Variants in MECOM observed in about 807,000 individuals in gnomAD.
The protein encoded by MECOM is histone-lysine N-methyltransferase MECOM.
In MECOM, 13 loss-of-function variants were observed where a neutral mutation model predicts 116.3. The ratio of observed to expected loss-of-function variants is 0.11; its 90% confidence interval spans 0.07 to 0.18. MECOM has a LOEUF of 0.18. MECOM is among the 10% of genes least tolerant of loss of function. The pLI is 1.00. For synonymous variants in MECOM, 528 were observed against 535.2 expected (o/e 0.99, Z 0.19); for missense variants, 1,299 against 1,509.0 (o/e 0.86, Z 2.31).
intron 1 of MECOM, among the ~76,000 whole-genome samples, chr3:169,609,697 T>C (rs1341865299): frequency 6.6e-6 from 1 of 152,210 alleles, no homozygotes; most frequent in African/African-American, 2.4e-5. Flanking sequence ...GAATCAACAA[T>C]GAATTCAGAC....
At chr3:169,485,649 C>T (rs903298756) in intron 1 of MECOM, among the ~76,000 whole-genome samples, 1 of 151,670 alleles carries the variant, frequency 6.6e-6, no homozygotes, top group Non-Finnish European at 1.5e-5. Flanking sequence ...GTAGCAAAGG[C>T]AAATGAGTAT....
chr3:169,214,727 T>C (rs956658187), intron 2 of MECOM, among the ~76,000 whole-genome samples: 1 of 150,866 alleles, frequency 6.6e-6, no homozygotes, highest in African/African-American at 2.4e-5. Context: ...CTGATTATTA[T>C]TTTATATTAC....
intron 2 of MECOM, among the ~76,000 whole-genome samples, chr3:169,305,312 G>GA (rs1717467079): frequency 6.6e-6 from 1 of 152,108 alleles, no homozygotes; most frequent in African/African-American, 2.4e-5. Context: ...TAAGGAGGTG[G>GA]AAAAGGTAGG....
chr3:169,087,633 T>C (rs1259656665), intron 16 of MECOM, among the ~76,000 whole-genome samples: 3 of 151,858 alleles, frequency 2.0e-5, no homozygotes, highest in Non-Finnish European at 4.4e-5. Context: ...ACCAAAAACC[T>C]TGATACTCAA....
chr3:169,416,838 C>T (rs1011914743), intron 1 of MECOM, among the ~76,000 whole-genome samples: 1 of 151,910 alleles, frequency 6.6e-6, no homozygotes, highest in Non-Finnish European at 1.5e-5. Flanking sequence ...ACAAAACTGA[C>T]AAAAACAAGC....
intron 1 of MECOM, among the ~76,000 whole-genome samples, chr3:169,608,994 G>A (rs1200583539): frequency 1.3e-5 from 2 of 151,990 alleles, no homozygotes; most frequent in East Asian, 1.9e-4. Flanking sequence ...CATCTCACCC[G>A]CACCAAACAG....
chr3:169,146,645 C>G, intron 2 of MECOM: 1 of 1,361,158 alleles, frequency 7.3e-7, no homozygotes, highest in Non-Finnish European at 9.7e-7. Flanking sequence ...AACGGTGCCC[C>G]GGCAGGAAAC....
intron 1 of MECOM, among the ~76,000 whole-genome samples, chr3:169,391,619 T>C (rs1184564516): frequency 6.6e-6 from 1 of 152,138 alleles, no homozygotes; most frequent in Non-Finnish European, 1.5e-5. Flanking sequence ...ATTAAAAATG[T>C]TTGCAGAAAA....
chr3:169,512,408 T>G (rs1463176726), intron 1 of MECOM, among the ~76,000 whole-genome samples: 1 of 152,224 alleles, frequency 6.6e-6, no homozygotes, highest in Non-Finnish European at 1.5e-5. Context: ...CTTCCTCATC[T>G]CTGTGAGAGG....
chr3:169,277,394 A>C (rs9290364), intron 2 of MECOM, among the ~76,000 whole-genome samples: 2 of 152,096 alleles, frequency 1.3e-5, no homozygotes, highest in Non-Finnish European at 2.9e-5. Context: ...AAACTGTCTC[A>C]TCAGGTTCTA....
chr3:169,259,493 C>T (rs1454513559), intron 2 of MECOM, among the ~76,000 whole-genome samples: 2 of 152,082 alleles, frequency 1.3e-5, no homozygotes, highest in East Asian at 3.9e-4. Context: ...TTTGGGAGCC[C>T]AAGCACTTTG....
chr3:169,297,037 A>C (rs1030344392), intron 2 of MECOM, among the ~76,000 whole-genome samples: 14 of 152,206 alleles, frequency 9.2e-5, no homozygotes, highest in African/African-American at 2.9e-4. Flanking sequence ...TGCTCTTTCA[A>C]CAATTTGGAG....
chr3:169,139,442 C>T (rs1737419738), intron 3 of MECOM, among the ~76,000 whole-genome samples: 1 of 152,030 alleles, frequency 6.6e-6, no homozygotes, highest in Non-Finnish European at 1.5e-5. Context: ...CTTACATATA[C>T]AAAACATTAT....
At chr3:169,107,522 G>C (rs9866253) in intron 10 of MECOM, among the ~76,000 whole-genome samples, 144,145 of 152,234 alleles carry the variant, frequency 0.95, 68,351 homozygotes, top group East Asian at 0.99. Flanking sequence ...TATCTACACA[G>C]GAGTTCAGGT....
chr3:169,568,604 A>G (rs1763523255), intron 1 of MECOM, among the ~76,000 whole-genome samples: 1 of 152,212 alleles, frequency 6.6e-6, no homozygotes, highest in South Asian at 2.1e-4. Context: ...AGCCACCAGG[A>G]ACTTCCAACT....
chr3:169,442,593 T>C (rs1206522893), intron 1 of MECOM, among the ~76,000 whole-genome samples: 2 of 152,162 alleles, frequency 1.3e-5, no homozygotes, highest in African/African-American at 4.8e-5. Context: ...CAAAGAATCA[T>C]ATATTAAGGA....
At chr3:169,213,099 T>A (rs943155431) in intron 2 of MECOM, among the ~76,000 whole-genome samples, 1 of 151,994 alleles carries the variant, frequency 6.6e-6, no homozygotes, top group African/African-American at 2.4e-5. Flanking sequence ...TACTTTTCAC[T>A]ATTTGAAATT....
At chr3:169,345,431 T>C (rs1725182695) in intron 2 of MECOM, among the ~76,000 whole-genome samples, 1 of 152,158 alleles carries the variant, frequency 6.6e-6, no homozygotes, top group Non-Finnish European at 1.5e-5. Flanking sequence ...GTTAACTCAC[T>C]TTATGTGCGT....
At chr3:169,428,325 G>A (rs1741058072) in intron 1 of MECOM, among the ~76,000 whole-genome samples, 1 of 152,200 alleles carries the variant, frequency 6.6e-6, no homozygotes, top group African/African-American at 2.4e-5. Context: ...GTTTTGGGAT[G>A]AAACTTCCAC....
Sources: gnomAD v4.1 joint callset for allele counts (sites outside exome capture counted in the v4.1 genomes callset) on GRCh38, gnomAD v4.1.1 for gene constraint, MANE v1.5 for transcripts, NCBI Gene and HGNC (gene_info 2026-07-23, HGNC 2026-07-21) for gene names.